The following QTGAL variants were observed in gnomAD, a reference collection of about 807,000 sequenced individuals.
The protein encoded by QTGAL is BGnT-like protein 1.
the QTGAL span, among the ~76,000 whole-genome samples, chr17:83,042,996 T>C: frequency 1.3e-5 from 2 of 152,198 alleles, no homozygotes; most frequent in Admixed American, 1.3e-4. Flanking sequence ...AGCATAAAAC[T>C]GTACACATCT....
chr17:82,962,138 C>CG, the QTGAL span, among the ~76,000 whole-genome samples: 494 of 152,294 alleles, frequency 3.2e-3, 4 homozygotes, highest in African/African-American at 0.011. Flanking sequence ...CCTCTTCTCT[C>CG]CTTGGCTGGT....
chr17:83,019,592 C>G, the QTGAL span, among the ~76,000 whole-genome samples: 1 of 152,152 alleles, frequency 6.6e-6, no homozygotes, highest in South Asian at 2.1e-4. Context: ...CGGGAAAGAT[C>G]TGGAGGCGGA....
chr17:82,948,123 T>C, the QTGAL span: 1 of 152,146 alleles, frequency 6.6e-6, no homozygotes, highest in East Asian at 1.9e-4. Context: ...CAGCGTGCAG[T>C]AGGCCGGTGG....
At chr17:82,969,889 AG>A in the QTGAL span, among the ~76,000 whole-genome samples, 915 of 152,244 alleles carry the variant, frequency 6.0e-3, 12 homozygotes, top group African/African-American at 0.021. Context: ...CATATTGCCC[AG>A]GCTGGTCTTG....
chr17:82,942,379 G>T, the QTGAL span: 14 of 1,610,016 alleles, frequency 8.7e-6, no homozygotes, highest in South Asian at 1.5e-4. Flanking sequence ...CCAGAGGGGT[G>T]AGGGTCCCCT....
the QTGAL span, among the ~76,000 whole-genome samples, chr17:82,979,614 G>C: frequency 6.6e-6 from 1 of 152,080 alleles, no homozygotes; most frequent in East Asian, 1.9e-4. Context: ...AGGAAATCGA[G>C]GAAAATTTCA....
At chr17:83,051,000 T>A in the QTGAL span, among the ~76,000 whole-genome samples, 1 of 142,778 alleles carries the variant, frequency 7.0e-6, no homozygotes, top group Non-Finnish European at 1.5e-5. Flanking sequence ...GGGTGCGAGG[T>A]TGTGTGGGGG....
the QTGAL span, among the ~76,000 whole-genome samples, chr17:82,976,995 C>G: frequency 4.0e-5 from 6 of 151,404 alleles, no homozygotes; most frequent in East Asian, 3.9e-4. Context: ...CGGAGGCCAC[C>G]GTCAGGGAGT....
At chr17:82,943,536 TGGGGATGGGG>T in the QTGAL span, 1 of 151,778 alleles carries the variant, frequency 6.6e-6, no homozygotes, top group South Asian at 2.1e-4. Context: ...TGCTCTCAGG[TGGGGATGGGG>T]CCTGGACACA....
chr17:82,959,728 C>T, the QTGAL span, among the ~76,000 whole-genome samples: 240 of 151,948 alleles, frequency 1.6e-3, no homozygotes, highest in African/African-American at 5.4e-3. Flanking sequence ...GGGTGGCACG[C>T]GAGGTTTGGG....
chr17:82,972,461 A>G, the QTGAL span, among the ~76,000 whole-genome samples: 1 of 122,408 alleles, frequency 8.2e-6, no homozygotes. Flanking sequence ...GGTGCTGACC[A>G]CACCACACCA....
the QTGAL span, among the ~76,000 whole-genome samples, chr17:82,952,208 C>T: frequency 6.6e-6 from 1 of 152,166 alleles, no homozygotes; most frequent in African/African-American, 2.4e-5. Context: ...TGTAGACCAA[C>T]ACACGCTGGC....
the QTGAL span, among the ~76,000 whole-genome samples, chr17:82,988,303 T>C: frequency 2.6e-5 from 4 of 152,294 alleles, no homozygotes; most frequent in Non-Finnish European, 4.4e-5. Flanking sequence ...TGGCTAGCCA[T>C]ATGCAGAAAA....
the QTGAL span, among the ~76,000 whole-genome samples, chr17:83,026,013 T>C: frequency 6.6e-6 from 1 of 152,228 alleles, no homozygotes; most frequent in South Asian, 2.1e-4. Context: ...TGAGTTCTGA[T>C]GGTTTCAAAG....
chr17:83,038,157 T>C, the QTGAL span, among the ~76,000 whole-genome samples: 2 of 152,214 alleles, frequency 1.3e-5, no homozygotes, highest in Non-Finnish European at 2.9e-5. Flanking sequence ...CTATGTTATC[T>C]AATAGTCAAT....
chr17:83,047,090 A>G, the QTGAL span, among the ~76,000 whole-genome samples: 75 of 152,368 alleles, frequency 4.9e-4, no homozygotes, highest in African/African-American at 1.6e-3. Flanking sequence ...AGAATACCCC[A>G]GACTGGGTGG....
the QTGAL span, among the ~76,000 whole-genome samples, chr17:82,966,966 A>C: frequency 6.6e-6 from 1 of 152,214 alleles, no homozygotes; most frequent in Non-Finnish European, 1.5e-5. Context: ...TACCCTCAGC[A>C]CCCATTAATA....
At chr17:82,966,369 A>T in the QTGAL span, among the ~76,000 whole-genome samples, 1 of 152,158 alleles carries the variant, frequency 6.6e-6, no homozygotes, top group Admixed American at 6.6e-5. Context: ...GGAGATTCTA[A>T]AATGTATATA....
the QTGAL span, among the ~76,000 whole-genome samples, chr17:83,037,203 G>A: frequency 6.6e-6 from 1 of 152,164 alleles, no homozygotes; most frequent in Admixed American, 6.5e-5. This position sits in a 1 kb window ranked among gnomAD's most constrained non-coding sequence, Gnocchi z 5.2. Context: ...GGCCACACCC[G>A]TGGCACTCTC....
Sources: allele counts gnomAD v4.1 joint callset (sites outside exome capture counted in the v4.1 genomes callset), GRCh38; gene constraint gnomAD v4.1.1; non-coding constraint Gnocchi (gnomAD v3.1); transcripts MANE v1.5; gene names NCBI Gene and HGNC (gene_info 2026-07-23, HGNC 2026-07-21).